LYPLAL1: variants seen among roughly 807,000 people sequenced by gnomAD.
The protein encoded by LYPLAL1 is lysophospholipase-like protein 1.
In LYPLAL1, 23 loss-of-function variants were observed where a neutral mutation model predicts 19.7. The ratio of observed to expected loss-of-function variants is 1.17; its 90% CI spans 0.84 to 1.65. The LOEUF is 1.65. Among genes scored for constraint, LYPLAL1 ranks in the 40% most tolerant of loss-of-function variants. LYPLAL1 has a pLI of 0.00. For missense variants in LYPLAL1, 355 were observed against 279.4 expected (o/e 1.27, Z -1.93); for synonymous variants, 119 against 96.3 (o/e 1.24, Z -1.38).
chr1:219,337,868 A>G, the LYPLAL1 span, among the ~76,000 whole-genome samples: 1 of 152,148 alleles, frequency 6.6e-6, no homozygotes, highest in African/African-American at 2.4e-5. Flanking sequence ...ACAGAAAAAA[A>G]TCACCAACCC....
the LYPLAL1 span, among the ~76,000 whole-genome samples, chr1:219,416,565 A>G: frequency 6.6e-6 from 1 of 152,210 alleles, no homozygotes; most frequent in African/African-American, 2.4e-5. Flanking sequence ...GGCTTTTTGC[A>G]ACTCTATTTA....
the LYPLAL1 span, among the ~76,000 whole-genome samples, chr1:219,259,169 T>C: frequency 6.6e-6 from 1 of 151,986 alleles, no homozygotes; most frequent in African/African-American, 2.4e-5. Context: ...CTGGTGGAAA[T>C]GTAAACTAGT....
At chr1:219,402,643 C>CAAA in the LYPLAL1 span, among the ~76,000 whole-genome samples, 1 of 101,656 alleles carries the variant, frequency 9.8e-6, no homozygotes, top group African/African-American at 3.9e-5. Flanking sequence ...TACCAGAAAC[C>CAAA]AAAAAAAAAA....
At chr1:219,216,523 A>T (rs138877754), downstream of LYPLAL1, among the ~76,000 whole-genome samples, 390 of 152,260 alleles carry the variant, frequency 2.6e-3, no homozygotes, top group Non-Finnish European at 4.2e-3. Context: ...GTCATACTCT[A>T]TATGATACTG....
the LYPLAL1 span, among the ~76,000 whole-genome samples, chr1:219,441,291 C>T: frequency 6.6e-6 from 1 of 152,014 alleles, no homozygotes; most frequent in Admixed American, 6.5e-5. Context: ...AAGGAACTAT[C>T]ATTAGGTAGG....
At chr1:219,321,946 C>T in the LYPLAL1 span, among the ~76,000 whole-genome samples, 1 of 152,144 alleles carries the variant, frequency 6.6e-6, no homozygotes, top group African/African-American at 2.4e-5. Flanking sequence ...TCTTGCTGAA[C>T]TTGAGTCCCA....
At chr1:219,295,132 C>T in the LYPLAL1 span, among the ~76,000 whole-genome samples, 2 of 152,174 alleles carry the variant, frequency 1.3e-5, no homozygotes, top group East Asian at 1.9e-4. Flanking sequence ...CACCCTGGCT[C>T]TCCCACTTAC....
the LYPLAL1 span, among the ~76,000 whole-genome samples, chr1:219,331,472 T>C: frequency 6.6e-6 from 1 of 152,194 alleles, no homozygotes; most frequent in Non-Finnish European, 1.5e-5. Context: ...TTTCTCATCT[T>C]CTTTGGACTG....
At chr1:219,389,272 T>C in the LYPLAL1 span, among the ~76,000 whole-genome samples, 1 of 152,184 alleles carries the variant, frequency 6.6e-6, no homozygotes, top group African/African-American at 2.4e-5. Flanking sequence ...ATTTGATACA[T>C]GTCTTTTCTA....
the LYPLAL1 span, among the ~76,000 whole-genome samples, chr1:219,333,589 G>T: frequency 6.6e-6 from 1 of 152,010 alleles, no homozygotes; most frequent in African/African-American, 2.4e-5. Context: ...CCAAGAGAAA[G>T]ATTTTCTCTT....
chr1:219,205,363 C>A (rs1309738905), intron 3 of LYPLAL1, among the ~76,000 whole-genome samples: 671 of 128,316 alleles, frequency 5.2e-3, no homozygotes, highest in Middle Eastern at 0.013. Flanking sequence ...GACTCCGTCT[C>A]AAAAAAAAAA....
the LYPLAL1 span, among the ~76,000 whole-genome samples, chr1:219,399,966 C>T: frequency 6.6e-6 from 1 of 152,196 alleles, no homozygotes; most frequent in African/African-American, 2.4e-5. Flanking sequence ...CTTCTCTAAG[C>T]AGCTCTCCCT....
chr1:219,435,671 AAAAAAT>A, the LYPLAL1 span, among the ~76,000 whole-genome samples: 7 of 152,006 alleles, frequency 4.6e-5, no homozygotes, highest in Non-Finnish European at 1.0e-4. Flanking sequence ...CTAAAAATAC[AAAAAAT>A]AAGCTGGGTG....
the LYPLAL1 span, among the ~76,000 whole-genome samples, chr1:219,237,617 T>G: frequency 6.6e-6 from 1 of 152,194 alleles, no homozygotes; most frequent in Non-Finnish European, 1.5e-5. Flanking sequence ...TTTCTTCTTT[T>G]CTCCTTTTGT....
intron 1 of LYPLAL1, among the ~76,000 whole-genome samples, chr1:219,174,677 TG>T (rs1655666783): frequency 6.6e-6 from 1 of 152,338 alleles, no homozygotes; most frequent in African/African-American, 2.4e-5. Flanking sequence ...TAATCACTTT[TG>T]TCTGTCTTCC....
downstream of LYPLAL1, among the ~76,000 whole-genome samples, chr1:219,217,766 C>T (rs140082723): frequency 6.9e-3 from 1,045 of 152,220 alleles, 3 homozygotes; most frequent in Non-Finnish European, 0.01. Flanking sequence ...TTCATGCCCC[C>T]TACCCCAAAA....
At chr1:219,194,481 A>C (rs557201711) in intron 3 of LYPLAL1, among the ~76,000 whole-genome samples, 1 of 152,190 alleles carries the variant, frequency 6.6e-6, no homozygotes, top group South Asian at 2.1e-4. Flanking sequence ...AAGTAAAGCA[A>C]GATCTATCTG....
the LYPLAL1 span, among the ~76,000 whole-genome samples, chr1:219,300,439 A>C: frequency 6.6e-6 from 1 of 151,516 alleles, no homozygotes; most frequent in Non-Finnish European, 1.5e-5. Context: ...AAAAATTTTT[A>C]CTTATGGCCC....
rs1001394373 is a variant in LYPLAL1, at chr1:219,209,592, A to T, written c.362-940A>T. 3.3e-5 allele frequency among the ~76,000 whole-genome samples: 5 copies of T among 152,134 alleles called. 1 individual carries two copies. The highest frequency in any genetic ancestry group is 1.3e-4 in the Admixed American group (2 of 15,260). ...GCAGACTTGAAATTAGGAGATTTGAATTCTACTTCAAAGTATATTTTTGTA... is the reference window on the plus strand; with the variant it reads ...GCAGACTTGAAATTAGGAGATTTGATTTCTACTTCAAAGTATATTTTTGTA... On this transcript the variant is annotated intron_variant, in intron 3 of 4. Transcript: ENST00000366928.
Sources: gnomAD v4.1 joint callset for allele counts (sites outside exome capture counted in the v4.1 genomes callset) on GRCh38, gnomAD v4.1.1 for gene constraint, MANE v1.5 for transcripts, NCBI Gene and HGNC (gene_info 2026-07-23, HGNC 2026-07-21) for gene names.